Variants in CMTM8 observed in about 807,000 individuals in gnomAD.
The protein encoded by CMTM8 is CKLF like MARVEL transmembrane domain containing 8.
A neutral mutation model predicts 18.6 loss-of-function variants in CMTM8; 12 were observed. The observed-to-expected ratio is 0.65, with a 90% CI of 0.41 to 1.05. CMTM8 has a LOEUF of 1.05. Among genes scored for constraint, CMTM8 ranks in the 50% least tolerant of loss-of-function variants. The pLI is 0.00. For synonymous variants in CMTM8, 87 were observed against 90.6 expected (o/e 0.96, Z 0.23); for missense variants, 217 against 227.2 (o/e 0.95, Z 0.29).
intron 1 of CMTM8, among the ~76,000 whole-genome samples, chr3:32,283,276 C>G (rs1160276420): frequency 6.6e-6 from 1 of 152,160 alleles, no homozygotes; most frequent in African/African-American, 2.4e-5. Flanking sequence ...ACTGTATTTA[C>G]ATTTCTCTGT....
At chr3:32,257,238 A>G (rs1261105826) in intron 1 of CMTM8, among the ~76,000 whole-genome samples, 1 of 152,138 alleles carries the variant, frequency 6.6e-6, no homozygotes, top group Non-Finnish European at 1.5e-5. Flanking sequence ...CAGCCTCCCA[A>G]AGTGCTGGGA....
At chr3:32,365,484 C>T (rs769717768) in intron 2 of CMTM8, among the ~76,000 whole-genome samples, 1 of 152,128 alleles carries the variant, frequency 6.6e-6, no homozygotes, top group Non-Finnish European at 1.5e-5. Flanking sequence ...CTCACTCTGT[C>T]ACCCAGGCTG....
chr3:32,306,437 G>A (rs904246361), intron 1 of CMTM8, among the ~76,000 whole-genome samples: 2 of 152,226 alleles, frequency 1.3e-5, no homozygotes, highest in Non-Finnish European at 2.9e-5. Context: ...ACTGAAAAGC[G>A]ACATTGCAAA....
intron 1 of CMTM8, among the ~76,000 whole-genome samples, chr3:32,283,749 A>G (rs1337876749): frequency 6.6e-6 from 1 of 152,154 alleles, no homozygotes; most frequent in Non-Finnish European, 1.5e-5. Context: ...AGATGTCAGG[A>G]AGGCCCCGAG....
chr3:32,284,873 G>A (rs1446959103), intron 1 of CMTM8, among the ~76,000 whole-genome samples: 2 of 152,216 alleles, frequency 1.3e-5, no homozygotes, highest in Non-Finnish European at 2.9e-5. Context: ...TTTGAGTGGT[G>A]TCCTCGGTCT....
At chr3:32,284,641 C>T (rs992744069) in intron 1 of CMTM8, among the ~76,000 whole-genome samples, 2 of 152,192 alleles carry the variant, frequency 1.3e-5, no homozygotes, top group African/African-American at 4.8e-5. Context: ...CCTGTGATCA[C>T]AGCTCACAGA....
At chr3:32,329,972 G>A (rs1462502149) in intron 1 of CMTM8, among the ~76,000 whole-genome samples, 1 of 151,902 alleles carries the variant, frequency 6.6e-6, no homozygotes, top group Non-Finnish European at 1.5e-5. Flanking sequence ...AATCAAAAAA[G>A]GAAGTTAAGA....
chr3:32,319,263 G>A (rs995829559), intron 1 of CMTM8, among the ~76,000 whole-genome samples: 1 of 150,480 alleles, frequency 6.6e-6, no homozygotes, highest in Non-Finnish European at 1.5e-5. Flanking sequence ...ATTTTTAGTA[G>A]AGACAGGGTT....
At chr3:32,285,283 G>A (rs1321669063) in intron 1 of CMTM8, among the ~76,000 whole-genome samples, 2 of 152,194 alleles carry the variant, frequency 1.3e-5, no homozygotes, top group Non-Finnish European at 2.9e-5. Context: ...GGGAGGCCGA[G>A]GCGGATGGAT....
intron 1 of CMTM8, among the ~76,000 whole-genome samples, chr3:32,288,645 C>T (rs188610290): frequency 1.6e-4 from 24 of 152,222 alleles, no homozygotes; most frequent in South Asian, 8.3e-4. Context: ...GGACTACAGG[C>T]GCCCACCACC....
At chr3:32,338,228 C>T (rs575796317) in intron 1 of CMTM8, among the ~76,000 whole-genome samples, 1 of 152,136 alleles carries the variant, frequency 6.6e-6, no homozygotes, top group Admixed American at 6.5e-5. Flanking sequence ...GTGATCTGCC[C>T]GCCTCGGCCT....
At chr3:32,324,163 T>A (rs773855684) in intron 1 of CMTM8, among the ~76,000 whole-genome samples, 10 of 152,238 alleles carry the variant, frequency 6.6e-5, no homozygotes, top group Non-Finnish European at 1.3e-4. Flanking sequence ...TTCACAATTA[T>A]CAGACTTTTA....
chr3:32,367,659 G>C (rs1251106203), intron 2 of CMTM8, among the ~76,000 whole-genome samples: 2 of 152,132 alleles, frequency 1.3e-5, no homozygotes, highest in Non-Finnish European at 2.9e-5. Context: ...TCAGTGTCTC[G>C]TGGGGGCAGG....
chr3:32,261,640 C>T (rs1035883134), intron 1 of CMTM8, among the ~76,000 whole-genome samples: 31 of 152,194 alleles, frequency 2.0e-4, no homozygotes, highest in African/African-American at 5.5e-4. Context: ...AGGGTTTTCA[C>T]GTTCATTGTC....
chr3:32,313,255 C>T (rs973959803), intron 1 of CMTM8, among the ~76,000 whole-genome samples: 3 of 152,140 alleles, frequency 2.0e-5, no homozygotes, highest in African/African-American at 4.8e-5. Flanking sequence ...TCTTTCCCGA[C>T]GGATTCTTTC....
chr3:32,295,550 C>A (rs1702864361), intron 1 of CMTM8, among the ~76,000 whole-genome samples: 1 of 150,580 alleles, frequency 6.6e-6, no homozygotes, highest in Admixed American at 6.6e-5. Flanking sequence ...GATAGACACC[C>A]AATGAATAGA....
chr3:32,283,664 C>CA (rs1444475819), intron 1 of CMTM8, among the ~76,000 whole-genome samples: 1 of 152,120 alleles, frequency 6.6e-6, no homozygotes, highest in Non-Finnish European at 1.5e-5. Flanking sequence ...TATCTTGACA[C>CA]AAAAAACAAC....
intron 1 of CMTM8, among the ~76,000 whole-genome samples, chr3:32,273,395 C>T (rs189460157): frequency 4.6e-5 from 7 of 152,262 alleles, no homozygotes; most frequent in African/African-American, 1.7e-4. Context: ...CATAAATGTT[C>T]ATCGCAGCAT....
chr3:32,364,721 C>A (rs1696999784), intron 2 of CMTM8, among the ~76,000 whole-genome samples: 1 of 152,152 alleles, frequency 6.6e-6, no homozygotes, highest in South Asian at 2.1e-4. Flanking sequence ...CTTGAGGACT[C>A]TTGAGGATAT....
Sources: allele counts gnomAD v4.1 joint callset (sites outside exome capture counted in the v4.1 genomes callset), GRCh38; gene constraint gnomAD v4.1.1; transcripts MANE v1.5; gene names NCBI Gene and HGNC (gene_info 2026-07-23, HGNC 2026-07-21).